UBXN2A: variants seen among roughly 807,000 people sequenced by gnomAD.
UBXN2A encodes the protein UBX domain-containing protein 2A.
UBXN2A carries 28 observed loss-of-function variants against 28.4 expected under a neutral mutation model. The observed-to-expected ratio is 0.99, with a 90% CI of 0.73 to 1.35. The LOEUF (loss-of-function observed/expected upper bound fraction) is 1.35. UBXN2A is among the 40% of genes most tolerant of loss of function. The pLI is 0.00. For missense variants in UBXN2A, 253 were observed against 297.9 expected, an observed-to-expected ratio of 0.85 and a Z score of 1.11; for synonymous variants, 97 against 103.6, an observed-to-expected ratio of 0.94 and a Z score of 0.39.
chr2:23,981,315 A>C (rs1226327458), intron 4 of UBXN2A, among the ~76,000 whole-genome samples: 2 of 150,160 alleles, frequency 1.3e-5, no homozygotes, highest in African/African-American at 2.4e-5. Flanking sequence ...AAAAAAAAAA[A>C]AAAAAAACCT....
intron 2 of UBXN2A, among the ~76,000 whole-genome samples, chr2:23,960,334 A>T (rs941819383): frequency 2.0e-5 from 3 of 152,202 alleles, no homozygotes; most frequent in South Asian, 2.1e-4. Flanking sequence ...CTTTCAAAAG[A>T]TAGCAATCAG....
upstream of UBXN2A, among the ~76,000 whole-genome samples, chr2:23,935,776 A>G (rs1212101143): frequency 6.6e-6 from 1 of 152,210 alleles, no homozygotes; most frequent in Non-Finnish European, 1.5e-5. Flanking sequence ...AACGCCAGGC[A>G]CGGTGGCCCA....
At chr2:23,927,666 G>A (rs1188682655) in intron 1 of UBXN2A, 4 of 151,856 alleles carry the variant, frequency 2.6e-5, no homozygotes, top group African/African-American at 9.7e-5. Flanking sequence ...AGAACTCTGC[G>A]TTTTTAAACA....
In UBXN2A at chr2:24,000,734, T is replaced by A. The variant is rs1441931061; in HGVS notation, c.*867T>A. On this transcript the variant is annotated 3_prime_UTR_variant, in exon 7 of 7. Coordinates refer to ENST00000309033, the MANE Select transcript of UBXN2A (RefSeq NM_181713.4). Reference sequence around the variant, plus strand: ...TAATTTAAAAAATAAAAGAATAAAATTGTGTAGCTCAGTATAGTATCAAGA... The same window carrying A: ...TAATTTAAAAAATAAAAGAATAAAAATGTGTAGCTCAGTATAGTATCAAGA... The A allele has an allele frequency of 6.6e-6, 1 of 152,098 alleles. No individual in the cohort carries two copies. The highest frequency in any genetic ancestry group is 2.4e-5 in the African/African-American group (1 of 41,422). The allele number at this position is 152,098 out of a possible 1,614,324, so 9.4% of individuals were successfully genotyped here.
At chr2:23,982,424 C>A (rs1707950308) in intron 4 of UBXN2A, among the ~76,000 whole-genome samples, 1 of 151,876 alleles carries the variant, frequency 6.6e-6, no homozygotes, top group African/African-American at 2.4e-5. Context: ...CGTCCTAGGC[C>A]ACAGATTGGA....
chr2:23,990,264 C>T (rs1379914983), intron 6 of UBXN2A, among the ~76,000 whole-genome samples: 1 of 151,598 alleles, frequency 6.6e-6, no homozygotes, highest in East Asian at 2.0e-4. Flanking sequence ...TTCTGGGCTG[C>T]CTCTAAGATG....
At chr2:23,978,079 C>T (rs545219545) in intron 4 of UBXN2A, among the ~76,000 whole-genome samples, 1 of 152,252 alleles carries the variant, frequency 6.6e-6, no homozygotes, top group South Asian at 2.1e-4. Context: ...CTGCCCACCT[C>T]TGCCTCCCAA....
At chr2:23,983,464 G>C (rs1558303670) in intron 5 of UBXN2A, among the ~76,000 whole-genome samples, 1 of 151,962 alleles carries the variant, frequency 6.6e-6, no homozygotes, top group Admixed American at 6.6e-5. Flanking sequence ...CCGAGATCGC[G>C]CCATTGCTCT....
chr2:23,932,331 G>GAA (rs35708014), intron 1 of UBXN2A, among the ~76,000 whole-genome samples: 3 of 146,798 alleles, frequency 2.0e-5, no homozygotes, highest in African/African-American at 7.6e-5. Context: ...CGTCTTGGGG[G>GAA]AAAAAAAAAA....
chr2:23,977,187 A>C, intron 4 of UBXN2A, 112 bp downstream of exon 4: 1 of 730,644 alleles, frequency 1.4e-6, no homozygotes, highest in Admixed American at 2.7e-5. Context: ...ACATAGCCAG[A>C]CCTCATCTCT....
At chr2:23,931,151 CA>C (rs1055576346) in intron 1 of UBXN2A, among the ~76,000 whole-genome samples, 1,879 of 146,078 alleles carry the variant, frequency 0.013, 37 homozygotes, top group African/African-American at 0.045. Context: ...GATTCCATCT[CA>C]AAAAAAAAAG....
At chr2:23,942,154 A>C (rs1705792980) in intron 1 of UBXN2A, among the ~76,000 whole-genome samples, 1 of 152,178 alleles carries the variant, frequency 6.6e-6, no homozygotes, top group South Asian at 2.1e-4. Context: ...TAAAGAATGT[A>C]AGTTGTTTGT....
chr2:23,971,318 T>A lies in UBXN2A; in HGVS notation c.84T>A (p.Asn28Lys). 6.4e-7 allele frequency: 1 copy of A among 1,573,312 alleles called. No individual in the cohort carries two copies. Among genetic ancestry groups the A allele is most frequent in the Non-Finnish European group, 8.7e-7 (1 of 1,150,750 alleles). ...CTGATAATCAACCTCTTGGTAATAA[T>A]CAACAATCAAATTGTGAATATTTTG... Reference protein sequence around the residue: ...TGSDNQPLGNNQQSNCEYFVD... With the variant: ...TGSDNQPLGNKQQSNCEYFVD... The change falls in exon 3 of 7, where the codon AAT becomes AAA. Residue 28 changes from asparagine (N) to lysine (K), a missense_variant. Physicochemically the swap from Asn to Lys is moderately conservative, Grantham distance 94. Transcript: ENST00000309033.
At chr2:23,939,033 G>C (rs1162318417), upstream of UBXN2A, among the ~76,000 whole-genome samples, 1 of 152,166 alleles carries the variant, frequency 6.6e-6, no homozygotes, top group African/African-American at 2.4e-5. Context: ...AGGTGGTGGT[G>C]GGGGGAACGG....
In UBXN2A at chr2:23,971,331, T is replaced by C. The variant is rs1394941470; in HGVS notation, c.97T>C (p.Cys33Arg). Residue 33 changes from cysteine (C) to arginine (R), a missense_variant, in exon 3 of 7, where the codon TGT becomes CGT. Coordinates refer to ENST00000309033, the MANE Select transcript of UBXN2A (RefSeq NM_181713.4). ...TCTTGGTAATAATCAACAATCAAAT[T>C]GTGAATATTTTGTTGATAGCCTTTT... ...QPLGNNQQSN[C>R]EYFVDSLFEE... 6.3e-7 allele frequency: 1 copy of C among 1,578,152 alleles called. No individual in the cohort carries two copies. Among genetic ancestry groups the C allele is most frequent in the East Asian group, 2.3e-5 (1 of 44,024 alleles).
chr2:23,944,199 G>A, intron 1 of UBXN2A: 1 of 1,493,750 alleles, frequency 6.7e-7, no homozygotes, highest in East Asian at 2.3e-5. Context: ...AACTAAGTTT[G>A]CACTCGTCTT....
chr2:23,933,008 C>T (rs1006058825), intron 1 of UBXN2A, among the ~76,000 whole-genome samples: 6 of 151,612 alleles, frequency 4.0e-5, no homozygotes, highest in African/African-American at 7.3e-5. Flanking sequence ...AGGAGGCTGA[C>T]GCAGGAGAAT....
intron 1 of UBXN2A, among the ~76,000 whole-genome samples, chr2:23,930,112 T>G (rs1705324761): frequency 6.6e-6 from 1 of 152,122 alleles, no homozygotes; most frequent in Non-Finnish European, 1.5e-5. Context: ...ATGGTCTTGA[T>G]CTCCTGACCT....
At chr2:23,929,281 G>T (rs564116139) in intron 1 of UBXN2A, among the ~76,000 whole-genome samples, 3 of 151,984 alleles carry the variant, frequency 2.0e-5, no homozygotes, top group African/African-American at 7.3e-5. Flanking sequence ...GGTGCCTGTG[G>T]TCCCAGCCAC....
Sources: gnomAD v4.1 joint callset for allele counts (sites outside exome capture counted in the v4.1 genomes callset) on GRCh38, gnomAD v4.1.1 for gene constraint, MANE v1.5 for transcripts, NCBI Gene and HGNC (gene_info 2026-07-23, HGNC 2026-07-21) for gene names.